The following DNAI4 variants were observed in gnomAD, a reference collection of about 807,000 sequenced individuals.
DNAI4 encodes WD repeat domain 78.
In DNAI4, 85 loss-of-function variants were observed where a neutral mutation model predicts 105.8. The observed-to-expected ratio is 0.80, with a 90% CI of 0.67 to 0.96. The LOEUF is 0.96. Among genes scored for constraint, DNAI4 ranks in the 40% least tolerant of loss-of-function variants. The pLI is 0.00. For missense variants in DNAI4, 1,014 were observed against 1,005.6 expected (o/e 1.01, Z -0.11); for synonymous variants, 352 against 331.5 (o/e 1.06, Z -0.67).
intron 7 of DNAI4, among the ~76,000 whole-genome samples, 196 bp downstream of exon 7, chr1:66,861,944 AAATTCTT>A (rs1646635432): frequency 6.6e-6 from 1 of 152,206 alleles, no homozygotes; most frequent in Non-Finnish European, 1.5e-5. Context: ...GACAAACTGA[AAATTCTT>A]GACAGATATC....
At chr1:66,834,205 C>A in intron 11 of DNAI4, 57 bp from the exon 12 acceptor site, 1 of 1,411,860 alleles carries the variant, frequency 7.1e-7, no homozygotes, top group South Asian at 1.4e-5. Context: ...TCTTAAAGGC[C>A]TTGGAGTATA....
At chr1:66,911,060 A>G (rs537330633) in intron 1 of DNAI4, among the ~76,000 whole-genome samples, 40 of 152,324 alleles carry the variant, frequency 2.6e-4, no homozygotes, top group African/African-American at 8.9e-4. Flanking sequence ...GCTCAGTCCC[A>G]TAAGACTACC....
intron 5 of DNAI4, among the ~76,000 whole-genome samples, chr1:66,871,846 T>A (rs1646853534): frequency 6.6e-6 from 1 of 152,230 alleles, no homozygotes; most frequent in Non-Finnish European, 1.5e-5. Context: ...GTTTTTGAAC[T>A]TCCAAATGTG....
intron 8 of DNAI4, among the ~76,000 whole-genome samples, chr1:66,842,457 C>T (rs895518766): frequency 3.3e-5 from 5 of 152,294 alleles, no homozygotes; most frequent in Admixed American, 1.3e-4. Context: ...GCGGCACCAT[C>T]TCGACTCACT....
chr1:66,892,512 A>G (rs939767669), intron 3 of DNAI4, among the ~76,000 whole-genome samples: 1 of 152,206 alleles, frequency 6.6e-6, no homozygotes, highest in Non-Finnish European at 1.5e-5. Flanking sequence ...TGAAATATAT[A>G]TATTTTTCAC....
intron 1 of DNAI4, among the ~76,000 whole-genome samples, chr1:66,907,709 A>G (rs188058000): frequency 6.1e-4 from 93 of 152,322 alleles, no homozygotes; most frequent in Admixed American, 6.1e-3. Context: ...GAGCATTTCA[A>G]TATCCATGAA....
chr1:66,862,095 A>T (rs1646638102), intron 7 of DNAI4, 52 bp downstream of exon 7: 2 of 1,493,736 alleles, frequency 1.3e-6, no homozygotes, highest in African/African-American at 1.4e-5. Flanking sequence ...AGAATTTATT[A>T]AAAATGCCAT....
chr1:66,845,218 A>AAAT (rs1646251653), intron 8 of DNAI4, among the ~76,000 whole-genome samples: 41 of 20,398 alleles, frequency 2.0e-3, no homozygotes, highest in South Asian at 3.8e-3. Context: ...AAGAAAAATT[A>AAAT]AAAAAAAAAA....
intron 1 of DNAI4, among the ~76,000 whole-genome samples, chr1:66,922,444 C>T (rs937319622): frequency 6.6e-6 from 1 of 152,078 alleles, no homozygotes; most frequent in African/African-American, 2.4e-5. Context: ...TGTGGGACAA[C>T]GTGGGATGTA....
At position 66,924,827 on chromosome 1, in the gene DNAI4, G is replaced by A. The variant is rs1369509267; in HGVS notation, c.5C>T (p.Thr2Met). The A allele has an allele frequency of 1.2e-6, 2 of 1,613,864 alleles. No individual in the cohort carries two copies. The highest frequency in any genetic ancestry group is 1.7e-5 in the Admixed American group (1 of 59,998). The change falls in exon 1 of 17, where the codon ACG (threonine) becomes ATG (methionine). Residue 2 changes from threonine (T) to methionine (M), a missense_variant. By Grantham distance (81) the Thr-to-Met change is moderately conservative (BLOSUM62 -1). Transcript: ENST00000371026. ...CGAGGCTCCGGAATGTTTGCCGGGC[G>A]TCATGGCGACGGTGGAGCCCTGGCT... is the stretch of plus-strand genomic sequence containing the variant. M[T>M]PGKHSGASAR...
chr1:66,826,140 C>T (rs949882623), intron 15 of DNAI4, among the ~76,000 whole-genome samples: 1 of 152,126 alleles, frequency 6.6e-6, no homozygotes, highest in Non-Finnish European at 1.5e-5. Flanking sequence ...AAAATAATTA[C>T]TTTGTCCCTT....
intron 7 of DNAI4, among the ~76,000 whole-genome samples, chr1:66,860,530 C>G (rs1003186354): frequency 1.3e-5 from 2 of 151,704 alleles, no homozygotes; most frequent in African/African-American, 4.8e-5. Flanking sequence ...TTTCCTAGTT[C>G]TAGTTTCCCC....
At chr1:66,827,077 T>C in intron 14 of DNAI4, 31 bp from the exon 15 acceptor site, 1 of 1,527,298 alleles carries the variant, frequency 6.5e-7, no homozygotes, top group South Asian at 1.2e-5. Context: ...CATAGGTAAA[T>C]AATATTTAAC....
intron 7 of DNAI4, chr1:66,848,369 T>A (rs1254961522): frequency 2.5e-6 from 1 of 400,612 alleles, no homozygotes; most frequent in Non-Finnish European, 4.9e-6. Context: ...CCCAATAAGA[T>A]TATCCAGGAT....
At chr1:66,848,627 A>G (rs1363911102) in intron 7 of DNAI4, among the ~76,000 whole-genome samples, 2 of 152,212 alleles carry the variant, frequency 1.3e-5, no homozygotes, top group Non-Finnish European at 2.9e-5. Context: ...AACTAAAAAC[A>G]CTGGAAATTT....
Position 66,847,476 on chromosome 1 carries a change from T to C in DNAI4, c.1291+8A>G. ...CCCAGCCTAAACATGTTTATTTTTT[T>C]TAAATACCTTTTAAAACAGGAAGCT... On this transcript the variant is annotated splice_region_variant and intron_variant, in intron 8 of 16. Coordinates refer to ENST00000371026, the MANE Select transcript of DNAI4 (RefSeq NM_024763.5). The C allele has an allele frequency of 6.2e-7, 1 of 1,609,838 alleles. No individual in the cohort carries two copies. The highest frequency in any genetic ancestry group is 8.5e-7 in the Non-Finnish European group (1 of 1,178,902).
At chr1:66,859,030 A>G (rs1646566626) in intron 7 of DNAI4, among the ~76,000 whole-genome samples, 1 of 152,160 alleles carries the variant, frequency 6.6e-6, no homozygotes, top group African/African-American at 2.4e-5. Flanking sequence ...CATCTATGAA[A>G]AACCCTGCTA....
chr1:66,887,048 G>C (rs1283697932), intron 4 of DNAI4, among the ~76,000 whole-genome samples: 1 of 151,382 alleles, frequency 6.6e-6, no homozygotes, highest in Non-Finnish European at 1.5e-5. Flanking sequence ...CCTCAGCTCA[G>C]ATCTTTAGCT....
At chr1:66,892,880 C>T (rs2100769036) in intron 3 of DNAI4, among the ~76,000 whole-genome samples, 1 of 148,922 alleles carries the variant, frequency 6.7e-6, no homozygotes, top group South Asian at 2.1e-4. Context: ...TGTACTCCAG[C>T]CTGGGCAACA....
Sources: allele counts gnomAD v4.1 joint callset (sites outside exome capture counted in the v4.1 genomes callset), GRCh38; gene constraint gnomAD v4.1.1; transcripts MANE v1.5; gene names NCBI Gene and HGNC (gene_info 2026-07-23, HGNC 2026-07-21).